The following CXCL13 variants were observed in gnomAD, a reference collection of about 807,000 sequenced individuals.
CXCL13 encodes the protein C-X-C motif chemokine 13.
A neutral mutation model predicts 12.2 loss-of-function variants in CXCL13; 7 were observed. The ratio of observed to expected loss-of-function variants is 0.57; its 90% CI spans 0.33 to 1.07. The LOEUF is 1.07. Among genes scored for constraint, CXCL13 ranks in the 50% least tolerant of loss-of-function variants. The pLI is 0.04. For missense variants in CXCL13, 113 were observed against 127.4 expected, an observed-to-expected ratio of 0.89 and a Z score of 0.55; for synonymous variants, 47 against 42.4, an observed-to-expected ratio of 1.11 and a Z score of -0.42.
At chr4:77,574,394 C>T (rs1726158945) in intron 1 of CXCL13, among the ~76,000 whole-genome samples, 1 of 151,834 alleles carries the variant, frequency 6.6e-6, no homozygotes, top group Non-Finnish European at 1.5e-5. Flanking sequence ...AAATCTACGG[C>T]CGTCCTATAT....
chr4:77,605,883 A>T lies in CXCL13; in HGVS notation c.18A>T (p.Thr6=). The T allele has an allele frequency of 6.2e-7, 1 of 1,607,490 alleles. No homozygotes were observed. Residue 6 remains threonine, a synonymous_variant, in exon 1 of 4, where the codon ACA becomes ACT. Coordinates refer to ENST00000682537, the MANE Select transcript of CXCL13 (RefSeq NM_001371558.1). ...CAGACAGAATGAAGTTCATCTCGAC[A>T]TCTCTGCTTCTCATGCTGCTGGTCA... The part of the protein sequence containing the change: MKFIS[T]SLLLMLLVSS...
intron 1 of CXCL13, among the ~76,000 whole-genome samples, chr4:77,545,843 C>T (rs1474172116): frequency 6.6e-6 from 1 of 152,166 alleles, no homozygotes; most frequent in African/African-American, 2.4e-5. Flanking sequence ...AAAGGGAATG[C>T]TTCCAGTTTT....
chr4:77,549,181 C>A lies in CXCL13; in HGVS notation c.-43+37393C>A, dbSNP rs1178053436. 2.0e-5 allele frequency among the ~76,000 whole-genome samples: 3 copies of A among 152,204 alleles called. No homozygotes were observed. The East Asian group carries it at 5.8e-4, about 29-fold the overall frequency. ...GTAGTTCTCGTGCCACGGTTTTCAG[C>A]TCCGTCAGGTCATTTAAGGTCTTCT... On this transcript the variant is annotated intron_variant, in intron 1 of 4. Transcript: ENST00000286758.
chr4:77,574,106 T>C (rs573619308), intron 1 of CXCL13, among the ~76,000 whole-genome samples: 2 of 152,128 alleles, frequency 1.3e-5, no homozygotes, highest in South Asian at 4.1e-4. Context: ...AAGAGGCGTA[T>C]GGTTAAAAGT....
chr4:77,552,281 AT>A lies in CXCL13; in HGVS notation c.-43+40500del, dbSNP rs368344524. Among the ~76,000 whole-genome samples the A allele has an allele frequency of 9.3e-3, 1,416 of 152,112 alleles. 17 individuals are homozygous for A. The highest frequency in any genetic ancestry group is 0.032 in the African/African-American group (1,318 of 41,496). ...TTCTTTCTTTCCCTATAATAATAAC[AT>A]TTTTTTCCCTTTCCTTTCCCCGACT... On this transcript the variant is annotated intron_variant, in intron 1 of 4. Coordinates refer to the CXCL13 transcript ENST00000286758.
rs116239481 is a variant in CXCL13, at chr4:77,534,633, A to T, written c.-43+22845A>T. Among the ~76,000 whole-genome samples, 1,319 of 152,326 alleles carry T rather than the reference A, an allele frequency of 8.7e-3. 20 individuals are homozygous for T. The highest frequency in any genetic ancestry group is 0.03 in the African/African-American group (1,260 of 41,574). Reference sequence around the variant, plus strand: ...GAATATGAATCTACAATGATCTAAAAATAAAGTTTAATTTTAAAATACACC... The same window carrying T: ...GAATATGAATCTACAATGATCTAAATATAAAGTTTAATTTTAAAATACACC... On this transcript the variant is annotated intron_variant, in intron 1 of 4. Coordinates refer to the CXCL13 transcript ENST00000286758.
At chr4:77,571,512 ACT>A (rs888851496) in intron 1 of CXCL13, among the ~76,000 whole-genome samples, 34 of 151,726 alleles carry the variant, frequency 2.2e-4, no homozygotes, top group Admixed American at 2.6e-4. Flanking sequence ...ACCAATCGAC[ACT>A]CTGTATCTAG....
chr4:77,530,519 C>T (rs1190188981), intron 1 of CXCL13, among the ~76,000 whole-genome samples: 1 of 152,090 alleles, frequency 6.6e-6, no homozygotes, highest in African/African-American at 2.4e-5. Context: ...TGTATGTGTT[C>T]AGGAATTTAT....
intron 1 of CXCL13, among the ~76,000 whole-genome samples, chr4:77,548,336 T>G (rs1725426356): frequency 6.6e-6 from 1 of 152,216 alleles, no homozygotes; most frequent in Admixed American, 6.5e-5. Context: ...TGCAGTATCT[T>G]CAACACATTT....
At chr4:77,534,161 C>A (rs964166823) in intron 1 of CXCL13, among the ~76,000 whole-genome samples, 1 of 152,154 alleles carries the variant, frequency 6.6e-6, no homozygotes, top group African/African-American at 2.4e-5. Context: ...TGTTCCTATT[C>A]GACCATCTTG....
At chr4:77,579,377 AC>A (rs1296731514) in intron 1 of CXCL13, among the ~76,000 whole-genome samples, 5 of 152,122 alleles carry the variant, frequency 3.3e-5, no homozygotes, top group Admixed American at 2.6e-4. Flanking sequence ...GCTGTTGCTC[AC>A]CCCACTAAGG....
chr4:77,535,798 C>T (rs1160215387), intron 1 of CXCL13, among the ~76,000 whole-genome samples: 1 of 152,122 alleles, frequency 6.6e-6, no homozygotes, highest in Non-Finnish European at 1.5e-5. Context: ...GTGAATGTGC[C>T]TTTAGATAAC....
At chr4:77,581,166 C>T (rs774664287) in intron 1 of CXCL13, among the ~76,000 whole-genome samples, 4 of 152,012 alleles carry the variant, frequency 2.6e-5, no homozygotes, top group Non-Finnish European at 4.4e-5. Flanking sequence ...TTTTTAAATG[C>T]TCTGTGGTGA....
chr4:77,592,278 T>C (rs1443110362), intron 1 of CXCL13, among the ~76,000 whole-genome samples: 3 of 152,184 alleles, frequency 2.0e-5, no homozygotes, highest in Admixed American at 1.3e-4. Flanking sequence ...AATCCTATGA[T>C]TTGCAACAAC....
chr4:77,601,235 C>A (rs1726875315), upstream of CXCL13, among the ~76,000 whole-genome samples: 4 of 152,246 alleles, frequency 2.6e-5, no homozygotes, highest in South Asian at 8.3e-4. Context: ...GTCTTGAAAT[C>A]ATGGTGTGGC....
intron 1 of CXCL13, among the ~76,000 whole-genome samples, chr4:77,606,809 C>G (rs1000572309): frequency 6.6e-6 from 1 of 152,016 alleles, no homozygotes; most frequent in Non-Finnish European, 1.5e-5. Context: ...GAGAGGTGAG[C>G]CTTTTTATTT....
chr4:77,587,155 G>C (rs1205202283), intron 1 of CXCL13, among the ~76,000 whole-genome samples: 1 of 152,166 alleles, frequency 6.6e-6, no homozygotes, highest in Non-Finnish European at 1.5e-5. Flanking sequence ...ACAGTGCTCT[G>C]AACAATATCC....
At chr4:77,584,776 G>A (rs1263726323) in intron 1 of CXCL13, among the ~76,000 whole-genome samples, 1 of 152,190 alleles carries the variant, frequency 6.6e-6, no homozygotes, top group South Asian at 2.1e-4. Flanking sequence ...AAGGGCTTCT[G>A]CCCCTCAGGC....
intron 1 of CXCL13, among the ~76,000 whole-genome samples, chr4:77,534,382 A>T (rs1038291590): frequency 6.6e-6 from 1 of 152,224 alleles, no homozygotes; most frequent in South Asian, 2.1e-4. Context: ...ACAATGGCAC[A>T]TCATACATGA....
Sources: gnomAD v4.1 joint callset for allele counts (sites outside exome capture counted in the v4.1 genomes callset) on GRCh38, gnomAD v4.1.1 for gene constraint, MANE v1.5 for transcripts, NCBI Gene and HGNC (gene_info 2026-07-23, HGNC 2026-07-21) for gene names.